The following GATD1 variants were observed in gnomAD, a reference collection of about 807,000 sequenced individuals.
The protein encoded by GATD1 is glutamine amidotransferase-like class 1 domain-containing protein 1.
Under a neutral mutation model 25.9 loss-of-function variants are expected in GATD1, and 23 were observed. The ratio of observed to expected loss-of-function variants is 0.89; its 90% CI spans 0.64 to 1.26. The LOEUF (loss-of-function observed/expected upper bound fraction) is 1.26. GATD1 is among the 50% of genes most tolerant of loss of function. The pLI is 0.00. For synonymous variants in GATD1, 177 were observed against 134.6 expected, an observed-to-expected ratio of 1.31 and a Z score of -2.18; for missense variants, 347 against 312.5, an observed-to-expected ratio of 1.11 and a Z score of -0.83.
chr11:770,890 A>G lies in GATD1; in HGVS notation c.*7T>C, dbSNP rs1590082750. 3 of 1,605,696 alleles carry G rather than the reference A, an allele frequency of 1.9e-6. No individual in the cohort carries two copies. In the East Asian group the frequency reaches 6.7e-5, roughly 36 times the overall value. ...GCTGTCTCAGGGGGTGCATCTACCC[A>G]GCAGGTTCATTTCCTGCAGGACAGA... On this transcript the variant is annotated 3_prime_UTR_variant, in exon 8 of 8. Coordinates refer to ENST00000319863, the MANE Select transcript of GATD1 (RefSeq NM_182612.4).
At chr11:773,245 T>A (rs1256472166) in intron 4 of GATD1, 1 of 401,914 alleles carries the variant, frequency 2.5e-6, no homozygotes, top group Non-Finnish European at 4.5e-6. Context: ...CCAGAAGGAA[T>A]CAGGCCGGTG....
chr11:773,286 C>T, intron 4 of GATD1: 1 of 478,432 alleles, frequency 2.1e-6, no homozygotes, highest in Non-Finnish European at 3.7e-6. Context: ...CATGGCCACC[C>T]ACCCTCGGGA....
Position 770,005 on chromosome 11 carries a change from G to A in GATD1, c.*892C>T. 3 of 1,061,266 alleles carry A rather than the reference G, an allele frequency of 2.8e-6. No homozygotes were observed. In the South Asian group the frequency reaches 1.4e-4, roughly 48 times the overall value. 65.7% of individuals were successfully genotyped at this position (1,061,266 alleles called of 1,614,324 possible). A position where few individuals can be genotyped will look rare whatever the true frequency, so the allele number is the denominator to read the frequency against. On this transcript the variant is annotated 3_prime_UTR_variant, in exon 8 of 8. Transcript: ENST00000319863. The stretch of plus-strand genomic sequence containing the variant: ...GGTGCTTGGGAACGGCTGTGGCTGA[G>A]ACGGGGAGGTGGGCAGGAAGAAGGC...
At chr11:775,230 G>GCCCCGCCTCAGGGGGCT in intron 1 of GATD1, 88 bp from the exon 2 acceptor site, 1 of 1,111,702 alleles carries the variant, frequency 9.0e-7, no homozygotes, top group South Asian at 1.4e-5. Flanking sequence ...GGCCTCGACT[G>GCCCCGCCTCAGGGGGCT]ACCCCAGAAC....
At position 769,152 on chromosome 11, in the gene GATD1, C is replaced by A. The variant is rs917151484; in HGVS notation, c.*1745G>T. 1.0e-6 allele frequency: 1 copy of A among 985,184 alleles called. No homozygotes were observed. The highest frequency in any genetic ancestry group is 1.1e-4 in the East Asian group (1 of 8,816). The allele number at this position is 985,184 out of a possible 1,614,324, so 61.0% of individuals were successfully genotyped here. A position where few individuals can be genotyped will look rare whatever the true frequency, so the allele number is the denominator to read the frequency against. On this transcript the variant is annotated 3_prime_UTR_variant, in exon 8 of 8. Transcript: ENST00000319863. ...TTGTCCACAGAGGTCCATCACCACACGGGGATGAGAGTGGACCCGGGACAG... is the reference window on the plus strand; with the variant it reads ...TTGTCCACAGAGGTCCATCACCACAAGGGGATGAGAGTGGACCCGGGACAG...
In GATD1 at chr11:772,510, C is replaced by A; in HGVS notation, c.367G>T (p.Ala123Ser). The A allele has an allele frequency of 6.2e-7, 1 of 1,611,382 alleles. No individual in the cohort carries two copies. Among genetic ancestry groups the A allele is most frequent in the Non-Finnish European group, 8.5e-7 (1 of 1,179,918 alleles). The change falls in exon 5 of 8, where the codon GCC becomes TCC. Residue 123 changes from alanine (A) to serine (S), a missense_variant. By Grantham distance (99) the Ala-to-Ser change is moderately conservative (BLOSUM62 1). Coordinates refer to ENST00000319863, the MANE Select transcript of GATD1 (RefSeq NM_182612.4). ...AGGGCGGCGACACCGTGGCCGACGG[C>A]GCAGATGGGTTCTGAAAGCCGTACA... Reference protein sequence around the residue: ...HFHSESKPICAVGHGVAALCC... With the variant: ...HFHSESKPICSVGHGVAALCC...
Position 771,345 on chromosome 11 carries a change from C to A in GATD1, c.532G>T (p.Ala178Ser). 1 of 1,597,632 alleles carries A rather than the reference C, an allele frequency of 6.3e-7. No homozygotes were observed. The highest frequency in any genetic ancestry group is 8.5e-7 in the Non-Finnish European group (1 of 1,172,062). ...CCTCGAGGCTCACCACTGAAGCAGG[C>A]GCCCGAATCCTTCACGAAGTCCTCC... is the stretch of plus-strand genomic sequence containing the variant. ...VVEDFVKDSG[A>S]CFSASEPDAV... Residue 178 changes from alanine (A) to serine (S), a missense_variant, in exon 6 of 8, where the codon GCC (alanine) becomes TCC (serine). Coordinates refer to ENST00000319863, the MANE Select transcript of GATD1 (RefSeq NM_182612.4).
intron 1 of GATD1, 25 bp from the exon 2 acceptor site, chr11:775,167 G>A: frequency 6.3e-7 from 1 of 1,580,174 alleles, no homozygotes; most frequent in South Asian, 1.2e-5. Flanking sequence ...AGTGAGTGTG[G>A]GCTCGACAGG....
In GATD1 at chr11:770,063, A is replaced by C. The variant is rs1863298059; in HGVS notation, c.*834T>G. 1.1e-5 allele frequency: 13 copies of C among 1,168,308 alleles called. No individual in the cohort carries two copies. Among genetic ancestry groups the C allele is most frequent in the Non-Finnish European group, 1.4e-5 (13 of 947,926 alleles). 72.4% of individuals were successfully genotyped at this position (1,168,308 alleles called of 1,614,324 possible). On this transcript the variant is annotated 3_prime_UTR_variant, in exon 8 of 8. Transcript: ENST00000319863. The stretch of plus-strand genomic sequence containing the variant: ...GGCTCAAACTGGGGAACTGTGAGGA[A>C]GTAGAGGGCCTAAGCCTCTCCTGGA...
rs965388214 is a variant in GATD1 at position 774,076 on chromosome 11, T to C, written c.179A>G (p.Asn60Ser). 16 of 1,613,574 alleles carry C rather than the reference T, an allele frequency of 9.9e-6. No homozygotes were observed. Among genetic ancestry groups the C allele is most frequent in the East Asian group, 2.2e-5 (1 of 44,886 alleles). Residue 60 changes from asparagine to serine, a missense_variant, in exon 3 of 8, where the codon AAT becomes AGT. By Grantham distance (46) the Asn-to-Ser change is conservative (BLOSUM62 1). Coordinates refer to ENST00000319863, the MANE Select transcript of GATD1 (RefSeq NM_182612.4). Reference protein sequence around the residue: ...AMEFVDVTESNARWVQDFRLK... With the variant: ...AMEFVDVTESSARWVQDFRLK... The stretch of plus-strand genomic sequence containing the variant: ...GCGGAAGTCTTGCACCCAGCGTGCA[T>C]TGCTCTCAGTCACATCCACAAATTC...
rs567061128 is a variant in GATD1 at position 771,174 on chromosome 11, C to T, written c.545-70G>A. On this transcript the variant is annotated intron_variant, in intron 6 of 7. Transcript: ENST00000319863. ...CCCACTGAGAGCCTCGAACTCCAGG[C>T]GGGCTCCCAGGGTCAGCAGTAGGTC... 4.4e-5 allele frequency: 68 copies of T among 1,545,406 alleles called. No individual in the cohort carries two copies. In the Admixed American group the frequency reaches 8.8e-4, roughly 20 times the overall value.
chr11:776,107 C>T (rs758123299), intron 1 of GATD1, among the ~76,000 whole-genome samples: 1 of 151,318 alleles, frequency 6.6e-6, no homozygotes, highest in Non-Finnish European at 1.5e-5. Context: ...CTCAGCCTCC[C>T]GAGTAGCTGG....
chr11:769,287 T>C lies in GATD1; in HGVS notation c.*1610A>G. 1 of 985,346 alleles carries C rather than the reference T, an allele frequency of 1.0e-6. No individual in the cohort carries two copies. Among genetic ancestry groups the C allele is most frequent in the South Asian group, 4.7e-5 (1 of 21,284 alleles). The allele number at this position is 985,346 out of a possible 1,614,324, so 61.0% of individuals were successfully genotyped here. On this transcript the variant is annotated 3_prime_UTR_variant, in exon 8 of 8. Transcript: ENST00000319863. The stretch of plus-strand genomic sequence containing the variant: ...TGGCTGCAGCGCTTCCTTCTTCCAC[T>C]TTTTTCCAAATTCTCCTTATTGAAC...
chr11:774,961 G>A (rs907812244), intron 2 of GATD1, 105 bp downstream of exon 2: 4 of 1,029,952 alleles, frequency 3.9e-6, no homozygotes, highest in Non-Finnish European at 5.8e-6. Flanking sequence ...CAACTGCAGG[G>A]GCTCCCCACT....
At position 770,218 on chromosome 11, in the gene GATD1, C is replaced by T. The variant is rs1174500166; in HGVS notation, c.*679G>A. ...GGCCACTGTGCAAGGCCGTGGGGGA[C>T]AGCACTTTCCTATCATTGAGAATCT... On this transcript the variant is annotated 3_prime_UTR_variant, in exon 8 of 8. Coordinates refer to ENST00000319863, the MANE Select transcript of GATD1 (RefSeq NM_182612.4). 11 of 1,375,900 alleles carry T rather than the reference C, an allele frequency of 8.0e-6. No homozygotes were observed. The highest frequency in any genetic ancestry group is 1.0e-5 in the Non-Finnish European group (11 of 1,060,368). The allele number at this position is 1,375,900 out of a possible 1,614,324, so 85.2% of individuals were successfully genotyped here.
chr11:775,806 A>G (rs1420295902), intron 1 of GATD1, among the ~76,000 whole-genome samples: 2 of 152,004 alleles, frequency 1.3e-5, no homozygotes, highest in African/African-American at 4.8e-5. Context: ...CACCACACCC[A>G]ATCCAGAAGG....
rs1361895689 is a variant in GATD1 at position 768,067 on chromosome 11, T to G, written c.*2830A>C. The G allele has an allele frequency of 2.7e-5, 4 of 145,742 alleles. No individual in the cohort carries two copies. Among genetic ancestry groups the G allele is most frequent in the African/African-American group, 1.0e-4 (4 of 40,014 alleles). The allele number at this position is 145,742 out of a possible 1,614,324, so 9.0% of individuals were successfully genotyped here. A position where few individuals can be genotyped will look rare whatever the true frequency, so the allele number is the denominator to read the frequency against. On this transcript the variant is annotated 3_prime_UTR_variant, in exon 8 of 8. Coordinates refer to ENST00000319863, the MANE Select transcript of GATD1 (RefSeq NM_182612.4). ...GGTTTCACCATCTTGGCCAGGCTGG[T>G]CTCGAACTCCTGACCTCAGGTGATC...
At position 767,274 on chromosome 11, in the gene GATD1, G is replaced by A. The variant is rs74048012; in HGVS notation, c.*3623C>T. The A allele has an allele frequency of 6.1e-4, 931 of 1,536,152 alleles. 4 individuals are homozygous for A. The African/African-American group carries it at 9.4e-3, about 16-fold the overall frequency. On this transcript the variant is annotated 3_prime_UTR_variant, in exon 8 of 8. Transcript: ENST00000319863. ...CTCATGGGTAGATGAACACACACTG[G>A]TATATGGGGAAATCCTCACCCGCCC...
Position 773,596 on chromosome 11 carries a change from C to T in GATD1, c.281G>A (p.Cys94Tyr), listed in dbSNP as rs1431317603. The T allele has an allele frequency of 6.2e-7, 1 of 1,609,332 alleles. No individual in the cohort carries two copies. Among genetic ancestry groups the T allele is most frequent in the Non-Finnish European group, 8.5e-7 (1 of 1,178,822 alleles). The change falls in exon 4 of 8, where the codon TGT becomes TAT. Residue 94 changes from cysteine to tyrosine, a missense_variant. Coordinates refer to ENST00000319863, the MANE Select transcript of GATD1 (RefSeq NM_182612.4). ...ARYHALLIPS[C>Y]PGALTDLASS... ...GGCCAGGTCGGTCAGGGCCCCAGGA[C>T]AGCTGGGGATCAGGAGGGCATGGTA...
Sources: allele counts gnomAD v4.1 joint callset (sites outside exome capture counted in the v4.1 genomes callset), GRCh38; gene constraint gnomAD v4.1.1; transcripts MANE v1.5; gene names NCBI Gene and HGNC (gene_info 2026-07-23, HGNC 2026-07-21).